Variants in TMEM236 observed in about 807,000 individuals in gnomAD.
TMEM236 encodes family with sequence similarity 23, member A.
TMEM236 carries 11 observed loss-of-function variants against 14.7 expected under a neutral mutation model. The ratio of observed to expected loss-of-function variants is 0.75; its 90% CI spans 0.47 to 1.24. The LOEUF (loss-of-function observed/expected upper bound fraction) is 1.24, where lower values mean the gene tolerates loss of function less well. TMEM236 is among the 50% of genes most tolerant of loss of function. The probability of loss-of-function intolerance (pLI) is 0.00; values close to 1 mark genes in which losing one functional copy is unlikely to be tolerated. For missense variants in TMEM236, 464 were observed against 427.3 expected, an observed-to-expected ratio of 1.09 and a Z score of -0.76; for synonymous variants, 182 against 168.6, an observed-to-expected ratio of 1.08 and a Z score of -0.62.
intron 1 of TMEM236, 96 bp from the exon 2 acceptor site, chr10:17,771,213 A>G (rs1292551458): frequency 2.7e-6 from 3 of 1,102,126 alleles, no homozygotes; most frequent in Admixed American, 3.4e-5. Context: ...GAAAAACTAT[A>G]GATGAATGGA....
chr10:17,799,071 AT>A lies in TMEM236; in HGVS notation c.*2568del, dbSNP rs1838058637. The A allele has an allele frequency of 5.3e-6, 1 of 187,248 alleles. No individual in the cohort carries two copies. Among genetic ancestry groups the A allele is most frequent in the South Asian group, 9.8e-5 (1 of 10,230 alleles). The allele number at this position is 187,248 out of a possible 1,614,324, so 11.6% of individuals were successfully genotyped here. On this transcript the variant is annotated 3_prime_UTR_variant, in exon 4 of 4. Transcript: ENST00000377495. ...CAAAAGTGATCGATCTGCTGAATAT[AT>A]AAATTAAAATGGACACAAGCCTTCA...
chr10:17,796,091 C>G lies in TMEM236; in HGVS notation c.643C>G (p.Pro215Ala). 6.2e-7 allele frequency: 1 copy of G among 1,613,838 alleles called. No homozygotes were observed. The highest frequency in any genetic ancestry group is 1.1e-5 in the South Asian group (1 of 91,052). Residue 215 changes from proline (P) to alanine (A), a missense_variant, in exon 4 of 4, where the codon CCC becomes GCC. Pro to Ala is a conservative substitution (Grantham distance 27). Transcript: ENST00000377495. ...GAGCCAGGAGTCTGTGTTCATGGGA[C>G]CCCAGGAGCCCTCCTGTGACTCCGG... ...TRSQESVFMG[P>A]QEPSCDSGIL...
rs920895885 is a variant in TMEM236 at position 17,800,136 on chromosome 10, G to C, written c.*3632G>C. The stretch of plus-strand genomic sequence containing the variant: ...TGTAATCCCAGCTACTCGGGAGGCT[G>C]AATCAGAATTGCTTGAACCCGGAGG... On this transcript the variant is annotated 3_prime_UTR_variant, in exon 4 of 4. Transcript: ENST00000377495. 1,117 of 151,704 alleles carry C rather than the reference G, an allele frequency of 7.4e-3. 14 individuals are homozygous for C. Among genetic ancestry groups the C allele is most frequent in the Middle Eastern group, 0.024 (7 of 292 alleles). The allele number at this position is 151,704 out of a possible 1,614,324, so 9.4% of individuals were successfully genotyped here.
intron 3 of TMEM236, among the ~76,000 whole-genome samples, 154 bp from the exon 4 acceptor site, chr10:17,795,767 T>A (rs1381790154): frequency 6.6e-6 from 1 of 152,100 alleles, no homozygotes; most frequent in Non-Finnish European, 1.5e-5. Context: ...TGCACATGTA[T>A]CCTGGAACTT....
At chr10:17,784,279 A>C (rs1302244535) in intron 3 of TMEM236, among the ~76,000 whole-genome samples, 3 of 152,216 alleles carry the variant, frequency 2.0e-5, no homozygotes, top group Non-Finnish European at 4.4e-5. Context: ...AATAAGTTAG[A>C]CAAGATAGTC....
In TMEM236 at chr10:17,798,485, G is replaced by A; in HGVS notation, c.*1981G>A. 1.9e-6 allele frequency: 1 copy of A among 513,404 alleles called. No individual in the cohort carries two copies. The highest frequency in any genetic ancestry group is 4.0e-6 in the Non-Finnish European group (1 of 250,994). 31.8% of individuals were successfully genotyped at this position (513,404 alleles called of 1,614,324 possible). A position where few individuals can be genotyped will look rare whatever the true frequency, so the allele number is the denominator to read the frequency against. On this transcript the variant is annotated 3_prime_UTR_variant, in exon 4 of 4. Coordinates refer to ENST00000377495, the MANE Select transcript of TMEM236 (RefSeq NM_001098844.3). ...GCCCAGGAGGTCAAGGCTACAGTGAGCTATGATCATGCCACTGCACTCCAG... is the reference window on the plus strand; with the variant it reads ...GCCCAGGAGGTCAAGGCTACAGTGAACTATGATCATGCCACTGCACTCCAG...
At chr10:17,769,606 G>C (rs1348398463) in intron 1 of TMEM236, among the ~76,000 whole-genome samples, 1 of 152,184 alleles carries the variant, frequency 6.6e-6, no homozygotes, top group East Asian at 1.9e-4. Context: ...CTTACTTAGA[G>C]AACTTAGTGT....
intron 3 of TMEM236, among the ~76,000 whole-genome samples, chr10:17,779,358 C>CAGCTTTGT (rs1837711121): frequency 6.6e-6 from 1 of 152,028 alleles, no homozygotes. Context: ...TGGGCAATTT[C>CAGCTTTGT]AGCTTTGTAG....
rs898693311 is a variant in TMEM236 at position 17,798,542 on chromosome 10, A to G, written c.*2038A>G. Reference sequence around the variant, plus strand: ...CAACAGAGTGACACCCATCTAAAAAAAATAAAAGAGAATTTGACGTTGTGT... The same window carrying G: ...CAACAGAGTGACACCCATCTAAAAAGAATAAAAGAGAATTTGACGTTGTGT... On this transcript the variant is annotated 3_prime_UTR_variant, in exon 4 of 4. Transcript: ENST00000377495. The G allele has an allele frequency of 5.6e-6, 3 of 534,354 alleles. No individual in the cohort carries two copies. Among genetic ancestry groups the G allele is most frequent in the African/African-American group, 3.9e-5 (2 of 51,938 alleles). The allele number at this position is 534,354 out of a possible 1,614,324, so 33.1% of individuals were successfully genotyped here. A position where few individuals can be genotyped will look rare whatever the true frequency, so the allele number is the denominator to read the frequency against.
intron 1 of TMEM236, among the ~76,000 whole-genome samples, chr10:17,768,086 G>GTTTTTT (rs879036347): frequency 3.3e-4 from 30 of 91,998 alleles, no homozygotes; most frequent in African/African-American, 5.3e-4. Context: ...AATTTTTGTG[G>GTTTTTT]TTTTTTTTTT....
In TMEM236 at chr10:17,752,422, G is replaced by C. The variant is rs990433875; in HGVS notation, c.127G>C (p.Asp43His). 4.0e-5 allele frequency: 65 copies of C among 1,613,912 alleles called. No individual in the cohort carries two copies. The highest frequency in any genetic ancestry group is 8.3e-5 in the Admixed American group (5 of 60,004). The change falls in exon 1 of 4, where the codon GAC (aspartate) becomes CAC (histidine). Residue 43 changes from aspartate to histidine, a missense_variant. By Grantham distance (81) the Asp-to-His change is moderately conservative. Transcript: ENST00000377495. ...TAYQGTRARSDNTHYWLIISC... is the reference protein window; with the variant it reads ...TAYQGTRARSHNTHYWLIISC... Reference sequence around the variant, plus strand: ...CTACCAAGGAACAAGGGCTAGATCTGACAACACACACTACTGGCTGATCAT... The same window carrying C: ...CTACCAAGGAACAAGGGCTAGATCTCACAACACACACTACTGGCTGATCAT...
intron 3 of TMEM236, among the ~76,000 whole-genome samples, chr10:17,794,924 A>T (rs1331593732): frequency 6.6e-6 from 1 of 152,142 alleles, no homozygotes; most frequent in African/African-American, 2.4e-5. Flanking sequence ...GCTACTCGGG[A>T]CGCTGAGGCA....
In TMEM236 at chr10:17,798,925, C is replaced by T; in HGVS notation, c.*2421C>T. 1 of 340,014 alleles carries T rather than the reference C, an allele frequency of 2.9e-6. No individual in the cohort carries two copies. The highest frequency in any genetic ancestry group is 2.4e-5 in the South Asian group (1 of 42,490). The allele number at this position is 340,014 out of a possible 1,614,324, so 21.1% of individuals were successfully genotyped here. On this transcript the variant is annotated 3_prime_UTR_variant, in exon 4 of 4. Transcript: ENST00000377495. ...AGTTTTAGAAATTTCCTGTTTTATT[C>T]TTTTCTGTGGCCCTGCTCACCCTCT...
intron 1 of TMEM236, 52 bp from the exon 2 acceptor site, chr10:17,771,257 A>G: frequency 6.5e-7 from 1 of 1,534,240 alleles, no homozygotes; most frequent in Admixed American, 1.7e-5. Context: ...ATGTAAGAGG[A>G]ACTGTCGATC....
rs1034684662 is a variant in TMEM236 at position 17,798,597 on chromosome 10, C to G, written c.*2093C>G. ...CTACGCTCCACCAAATACCTCTCCC[C>G]TTGCCACCCTGTCTCCCTTTCCCTC... On this transcript the variant is annotated 3_prime_UTR_variant, in exon 4 of 4. Coordinates refer to ENST00000377495, the MANE Select transcript of TMEM236 (RefSeq NM_001098844.3). 1.1e-4 allele frequency: 58 copies of G among 534,232 alleles called. 2 individuals are homozygous for G. Among genetic ancestry groups the G allele is most frequent in the South Asian group, 7.8e-4 (56 of 71,576 alleles). The allele number at this position is 534,232 out of a possible 1,614,324, so 33.1% of individuals were successfully genotyped here. A position where few individuals can be genotyped will look rare whatever the true frequency, so the allele number is the denominator to read the frequency against.
intron 1 of TMEM236, among the ~76,000 whole-genome samples, chr10:17,768,081 T>C (rs1837498896): frequency 7.6e-6 from 1 of 131,010 alleles, no homozygotes; most frequent in Non-Finnish European, 1.6e-5. Flanking sequence ...TCGCTAATTT[T>C]TGTGGTTTTT....
At chr10:17,794,375 A>T (rs2131769032) in intron 3 of TMEM236, among the ~76,000 whole-genome samples, 1 of 152,296 alleles carries the variant, frequency 6.6e-6, no homozygotes, top group South Asian at 2.1e-4. Flanking sequence ...ATAATTTCTT[A>T]GCAACCAAAA....
chr10:17,791,493 A>G (rs1351131059), intron 3 of TMEM236, among the ~76,000 whole-genome samples: 1 of 152,104 alleles, frequency 6.6e-6, no homozygotes, highest in Non-Finnish European at 1.5e-5. Flanking sequence ...TGGGAAAACC[A>G]TAGGGTTTTA....
At chr10:17,764,168 C>T (rs1837422296) in intron 1 of TMEM236, among the ~76,000 whole-genome samples, 1 of 152,166 alleles carries the variant, frequency 6.6e-6, no homozygotes, top group African/African-American at 2.4e-5. Flanking sequence ...CTCCCAAGTT[C>T]TCATCTGATC....
Sources: gnomAD v4.1 joint callset for allele counts (sites outside exome capture counted in the v4.1 genomes callset) on GRCh38, gnomAD v4.1.1 for gene constraint, MANE v1.5 for transcripts, NCBI Gene and HGNC (gene_info 2026-07-23, HGNC 2026-07-21) for gene names.